The following PPP2R5C variants were observed in gnomAD, a reference collection of about 807,000 sequenced individuals.
PPP2R5C encodes protein phosphatase 2 regulatory subunit B'gamma.
A neutral mutation model predicts 68.9 loss-of-function variants in PPP2R5C; 7 were observed. The ratio of observed to expected loss-of-function variants is 0.10; its 90% confidence interval spans 0.06 to 0.19. The LOEUF (loss-of-function observed/expected upper bound fraction) is 0.19, where lower values mean the gene tolerates loss of function less well. PPP2R5C is among the 10% of genes least tolerant of loss of function. The pLI is 1.00. For missense variants in PPP2R5C, 348 were observed against 641.3 expected, an observed-to-expected ratio of 0.54 and a Z score of 4.94; for synonymous variants, 210 against 222.2, an observed-to-expected ratio of 0.95 and a Z score of 0.49.
At chr14:101,871,619 G>C (rs545121236) in intron 2 of PPP2R5C, among the ~76,000 whole-genome samples, 1 of 152,216 alleles carries the variant, frequency 6.6e-6, no homozygotes, top group African/African-American at 2.4e-5. Context: ...ATGTGATTAT[G>C]AATGTACTTG....
chr14:101,858,545 A>T, intron 2 of PPP2R5C, among the ~76,000 whole-genome samples: 1 of 151,632 alleles, frequency 6.6e-6, no homozygotes, highest in South Asian at 2.1e-4. Flanking sequence ...TTAGGGATAG[A>T]ACTTCATTTT....
chr14:101,805,892 A>G (rs187216279), upstream of PPP2R5C, among the ~76,000 whole-genome samples: 1 of 152,188 alleles, frequency 6.6e-6, no homozygotes, highest in South Asian at 2.1e-4. Context: ...GGTTGCCAGC[A>G]CTGGAAGGAG....
chr14:101,829,503 T>G (rs1566879620), intron 1 of PPP2R5C, among the ~76,000 whole-genome samples: 1 of 152,172 alleles, frequency 6.6e-6, no homozygotes, highest in East Asian at 1.9e-4. Context: ...GAACACAGGT[T>G]TCTTAGTTTC....
chr14:101,763,516 G>A (rs1372131519), intron 2 of PPP2R5C, among the ~76,000 whole-genome samples: 1 of 152,080 alleles, frequency 6.6e-6, no homozygotes, highest in Admixed American at 6.6e-5. Flanking sequence ...CTGAGTAGCT[G>A]GGATTACAGG....
In PPP2R5C at chr14:101,925,193, T is replaced by C. The variant is rs752878334; in HGVS notation, c.1496T>C (p.Leu499Pro). The C allele has an allele frequency of 3.1e-6, 5 of 1,614,014 alleles. No individual in the cohort carries two copies. The African/African-American group carries it at 6.7e-5, about 22-fold the overall frequency. The change falls in exon 14 of 14, where the codon CTG becomes CCG. Residue 499 changes from leucine (L) to proline (P), a missense_variant. Leu to Pro is a moderately conservative substitution (Grantham distance 98). Around this residue, in one of 4 missense-constraint regions of PPP2R5C, gnomAD observed 118 missense variants for 108.9 expected, o/e 1.08. Transcript: ENST00000334743. ...CCTCTTGCACGCCGCAAGTCCGAGC[T>C]GCCTCAGGACCCCCACACCAAGAAA...
chr14:101,829,499 A>T (rs1008701095), intron 1 of PPP2R5C, among the ~76,000 whole-genome samples: 2 of 152,320 alleles, frequency 1.3e-5, no homozygotes, highest in East Asian at 3.9e-4. Context: ...GCCTGAACAC[A>T]GGTTTCTTAG....
intron 2 of PPP2R5C, chr14:101,765,777 G>A (rs1249950498): frequency 1.4e-5 from 2 of 145,088 alleles, no homozygotes; most frequent in Non-Finnish European, 1.5e-5. Flanking sequence ...AGTAGAGACG[G>A]AGTTTTACCT....
intron 3 of PPP2R5C, among the ~76,000 whole-genome samples, chr14:101,791,801 C>T (rs1047486391): frequency 6.6e-5 from 10 of 152,036 alleles, no homozygotes; most frequent in African/African-American, 1.9e-4. Flanking sequence ...GTATAGTAAA[C>T]GCAGCTGTTT....
At chr14:101,912,339 C>T in intron 11 of PPP2R5C, 62 bp from the exon 14 acceptor site, 2 of 1,421,098 alleles carry the variant, frequency 1.4e-6, no homozygotes, top group Non-Finnish European at 1.9e-6. Context: ...TGCCTTTTCC[C>T]CTTCAGTGTG....
chr14:101,865,059 G>C (rs1197774328), intron 2 of PPP2R5C, among the ~76,000 whole-genome samples: 1 of 152,196 alleles, frequency 6.6e-6, no homozygotes, highest in South Asian at 2.1e-4. Flanking sequence ...GATTCCTGGG[G>C]AGAGGAACCA....
chr14:101,854,774 A>G (rs1343636922), intron 1 of PPP2R5C, among the ~76,000 whole-genome samples: 1 of 152,252 alleles, frequency 6.6e-6, no homozygotes, highest in African/African-American at 2.4e-5. Flanking sequence ...CTACTGACCT[A>G]TTTGAAATTA....
At chr14:101,847,195 A>C (rs143098620) in intron 1 of PPP2R5C, among the ~76,000 whole-genome samples, 1 of 152,194 alleles carries the variant, frequency 6.6e-6, no homozygotes, top group African/African-American at 2.4e-5. Context: ...AAAAATGGTA[A>C]AAAGACAAAG....
chr14:101,761,843 G>A, upstream of PPP2R5C: 1 of 1,025,486 alleles, frequency 9.8e-7, no homozygotes. Flanking sequence ...CTGCTGCTGC[G>A]GGGGCAGGCG....
chr14:101,769,895 T>TACAA (rs1350627838), intron 2 of PPP2R5C, among the ~76,000 whole-genome samples: 1 of 152,224 alleles, frequency 6.6e-6, no homozygotes, highest in African/African-American at 2.4e-5. Flanking sequence ...TGTTGTTGTT[T>TACAA]TGTAAACATG....
rs114599786 is a variant in PPP2R5C at position 101,841,667 on chromosome 14, C to T, written c.95-15019C>T. Among the ~76,000 whole-genome samples the T allele has an allele frequency of 3.6e-3, 547 of 152,312 alleles. 5 individuals are homozygous for T. Among genetic ancestry groups the T allele is most frequent in the African/African-American group, 0.013 (520 of 41,580 alleles). ...GTGTTCTTTTTGAAACGAAACCTTC[C>T]AGTCGCAGACACAAAAGCCGTAGAG... On this transcript the variant is annotated intron_variant, in intron 1 of 13. Transcript: ENST00000334743.
In PPP2R5C at chr14:101,899,581, CT is replaced by C. The variant is rs2045562687; in HGVS notation, c.853-2134del. On this transcript the variant is annotated intron_variant, in intron 8 of 13. Transcript: ENST00000334743. This position sits in a 1 kb window ranked among gnomAD's most constrained non-coding sequence, Gnocchi z 4.2. ...GTGAATCCGATCCCAGAAATGATAC[CT>C]TTTCCAGAGAAATGGAATAGCTAAA... 6.6e-6 allele frequency among the ~76,000 whole-genome samples: 1 copy of C among 152,232 alleles called. No homozygotes were observed. Among genetic ancestry groups the C allele is most frequent in the Admixed American group, 6.5e-5 (1 of 15,288 alleles).
intron 3 of PPP2R5C, among the ~76,000 whole-genome samples, chr14:101,793,665 T>C (rs1275366645): frequency 6.6e-6 from 1 of 152,188 alleles, no homozygotes; most frequent in Non-Finnish European, 1.5e-5. Flanking sequence ...ATGGATGACT[T>C]AAGTGTTAAC....
chr14:101,762,358 CG>C (rs1233330270), intron 1 of PPP2R5C, among the ~76,000 whole-genome samples: 1 of 152,010 alleles, frequency 6.6e-6, no homozygotes, highest in Non-Finnish European at 1.5e-5. Context: ...GACCCCTGTA[CG>C]GGGGAAAGGG....
At chr14:101,782,170 C>G (rs2037751175) in intron 2 of PPP2R5C, among the ~76,000 whole-genome samples, 2 of 48,892 alleles carry the variant, frequency 4.1e-5, no homozygotes, top group Non-Finnish European at 8.4e-5. Flanking sequence ...CTCTTTTTCC[C>G]CCTCCCCCTC....
Sources: allele counts gnomAD v4.1 joint callset (sites outside exome capture counted in the v4.1 genomes callset), GRCh38; gene constraint gnomAD v4.1.1; regional missense constraint gnomAD v4.1.1; non-coding constraint Gnocchi (gnomAD v3.1); transcripts MANE v1.5; gene names NCBI Gene and HGNC (gene_info 2026-07-23, HGNC 2026-07-21).